Variants in IGSF11 observed in about 807,000 individuals in gnomAD.
IGSF11 encodes the protein CXADR like 1.
In IGSF11, 22 loss-of-function variants were observed where a neutral mutation model predicts 41.0. The ratio of observed to expected loss-of-function variants is 0.54; its 90% confidence interval spans 0.38 to 0.77. The LOEUF (loss-of-function observed/expected upper bound fraction) is 0.77, where lower values mean the gene tolerates loss of function less well. IGSF11 is among the 30% of genes least tolerant of loss of function. IGSF11 has a pLI of 0.00. For missense variants in IGSF11, 444 were observed against 530.8 expected, an observed-to-expected ratio of 0.84 and a Z score of 1.61; for synonymous variants, 219 against 201.3, an observed-to-expected ratio of 1.09 and a Z score of -0.74.
intron 1 of IGSF11, among the ~76,000 whole-genome samples, chr3:119,040,251 G>A (rs1324651369): frequency 1.3e-5 from 2 of 152,018 alleles, no homozygotes; most frequent in African/African-American, 4.8e-5. Context: ...CCCAGGAAAT[G>A]ACTCAGTGCA....
intron 1 of IGSF11, among the ~76,000 whole-genome samples, chr3:119,052,521 A>G (rs1196741432): frequency 6.6e-6 from 1 of 151,946 alleles, no homozygotes; most frequent in Non-Finnish European, 1.5e-5. Context: ...GCCAACAAAA[A>G]AAGTCCAGGA....
At chr3:118,935,366 TGA>T (rs1191132605) in intron 1 of IGSF11, among the ~76,000 whole-genome samples, 1 of 129,244 alleles carries the variant, frequency 7.7e-6, no homozygotes, top group Non-Finnish European at 1.6e-5. Context: ...ATATACACCC[TGA>T]GATATATACA....
In IGSF11 at chr3:118,919,668, T is replaced by TA. The variant is rs1212523009; in HGVS notation, c.580+6432dup. On this transcript the variant is annotated intron_variant, in intron 4 of 6. Coordinates refer to ENST00000393775, the MANE Select transcript of IGSF11 (RefSeq NM_001015887.3). ...CACTTTTACACTGTTGGTGGGACTG[T>TA]AAACTAGTTCAACCATTGTGGAAGT... 1.9e-3 allele frequency among the ~76,000 whole-genome samples: 123 copies of TA among 66,436 alleles called. 1 individual carries two copies. Among genetic ancestry groups the TA allele is most frequent in the African/African-American group, 6.9e-3 (109 of 15,846 alleles). The allele number at this position is 66,436 out of a possible 152,430, so 43.6% of individuals were successfully genotyped here. A position where few individuals can be genotyped will look rare whatever the true frequency, so the allele number is the denominator to read the frequency against.
chr3:118,913,694 T>C (rs991517836), intron 4 of IGSF11, among the ~76,000 whole-genome samples: 7 of 151,632 alleles, frequency 4.6e-5, no homozygotes, highest in African/African-American at 1.2e-4. Context: ...ACAGAAAAAA[T>C]GACTGTGATG....
intron 1 of IGSF11, among the ~76,000 whole-genome samples, chr3:119,051,688 A>G (rs1941633818): frequency 6.6e-6 from 1 of 152,246 alleles, no homozygotes; most frequent in Admixed American, 6.5e-5. Flanking sequence ...TCTATTTATC[A>G]GCACATGGAA....
intron 1 of IGSF11, among the ~76,000 whole-genome samples, chr3:119,077,643 T>A (rs114662473): frequency 0.15 from 23,070 of 151,646 alleles, 3,039 homozygotes; most frequent in African/African-American, 0.35. Context: ...TACTCTCAAC[T>A]CTCCTATTCA....
In IGSF11 at chr3:119,021,269, T is replaced by C. The variant is rs1353297356; in HGVS notation, c.52+13262A>G. Among the ~76,000 whole-genome samples the C allele has an allele frequency of 5.3e-5, 8 of 152,222 alleles. No homozygotes were observed. In the East Asian group the frequency reaches 7.7e-4, roughly 15 times the overall value. Reference sequence around the variant, plus strand: ...AATTACTATATAATAGAAAAATTAGTATCATGAGATTAAAAAACTTAACCT... The same window carrying C: ...AATTACTATATAATAGAAAAATTAGCATCATGAGATTAAAAAACTTAACCT... On this transcript the variant is annotated intron_variant, in intron 1 of 6. Transcript: ENST00000393775.
intron 1 of IGSF11, among the ~76,000 whole-genome samples, chr3:119,044,022 G>T (rs1466456888): frequency 6.6e-6 from 1 of 152,086 alleles, no homozygotes; most frequent in Non-Finnish European, 1.5e-5. Flanking sequence ...ACCCCCAAAA[G>T]ATCACATTAG....
At chr3:119,122,161 G>A (rs2077341987) in intron 1 of IGSF11, among the ~76,000 whole-genome samples, 3 of 152,200 alleles carry the variant, frequency 2.0e-5, no homozygotes. Context: ...AAAAGGGCAG[G>A]AAAGTGTCTT....
At chr3:118,959,128 C>T (rs1045494262) in intron 1 of IGSF11, among the ~76,000 whole-genome samples, 4 of 152,114 alleles carry the variant, frequency 2.6e-5, no homozygotes, top group Non-Finnish European at 1.5e-5. Context: ...AGGTGCCATA[C>T]GGATTTGGTA....
intron 1 of IGSF11, among the ~76,000 whole-genome samples, chr3:119,031,736 T>C (rs551371830): frequency 6.6e-5 from 10 of 152,362 alleles, no homozygotes; most frequent in African/African-American, 2.2e-4. Flanking sequence ...TCATCTTTCA[T>C]GTAGGTCAAA....
At chr3:119,096,286 G>C (rs1365273327) in intron 1 of IGSF11, among the ~76,000 whole-genome samples, 1 of 151,784 alleles carries the variant, frequency 6.6e-6, no homozygotes, top group Non-Finnish European at 1.5e-5. Flanking sequence ...CATACATGTG[G>C]AAGTGGGAAA....
intron 1 of IGSF11, among the ~76,000 whole-genome samples, chr3:119,042,796 C>A (rs1236853209): frequency 6.6e-6 from 1 of 152,154 alleles, no homozygotes; most frequent in African/African-American, 2.4e-5. Context: ...ATTATATACC[C>A]CTCCTACTAC....
rs1941373305 is a variant in IGSF11 at position 119,046,764 on chromosome 3, C to T, written c.49+58380G>A. On this transcript the variant is annotated intron_variant, in intron 1 of 6. Transcript: ENST00000354673. Reference sequence around the variant, plus strand: ...AGAGAGAGAAAGGTCTGGTTACCCTCAAAGGGAAGCCCATCAGACTAACAG... The same window carrying T: ...AGAGAGAGAAAGGTCTGGTTACCCTTAAAGGGAAGCCCATCAGACTAACAG... Among the ~76,000 whole-genome samples the T allele has an allele frequency of 3.3e-5, 5 of 152,140 alleles. No individual in the cohort carries two copies. The South Asian group carries it at 1.0e-3, about 32-fold the overall frequency.
At chr3:118,941,997 T>C (rs150975546) in intron 1 of IGSF11, among the ~76,000 whole-genome samples, 106 of 152,212 alleles carry the variant, frequency 7.0e-4, no homozygotes, top group African/African-American at 2.2e-3. Flanking sequence ...TGGCAGAGAA[T>C]ACTACATAGG....
At chr3:118,910,411 T>C (rs1427149133) in intron 4 of IGSF11, among the ~76,000 whole-genome samples, 1 of 152,164 alleles carries the variant, frequency 6.6e-6, no homozygotes, top group Non-Finnish European at 1.5e-5. Flanking sequence ...ATTGTAATAT[T>C]TTCCTCAATC....
intron 4 of IGSF11, among the ~76,000 whole-genome samples, chr3:118,922,180 C>T (rs75241104): frequency 0.011 from 1,635 of 152,152 alleles, 32 homozygotes; most frequent in East Asian, 0.065. Context: ...CAATAGAAAA[C>T]GTTAAGTGTA....
intron 1 of IGSF11, among the ~76,000 whole-genome samples, chr3:118,943,906 C>T (rs866095975): frequency 1.1e-4 from 17 of 152,294 alleles, no homozygotes; most frequent in Middle Eastern, 3.4e-3. Flanking sequence ...ATGAAGCATT[C>T]ATATGACAAA....
At chr3:119,074,402 C>T (rs1230233903) in intron 1 of IGSF11, among the ~76,000 whole-genome samples, 3 of 151,990 alleles carry the variant, frequency 2.0e-5, no homozygotes, top group African/African-American at 7.3e-5. Context: ...ACAATCTGCT[C>T]CTGAATGACT....
Sources: allele counts gnomAD v4.1 joint callset (sites outside exome capture counted in the v4.1 genomes callset), GRCh38; gene constraint gnomAD v4.1.1; transcripts MANE v1.5; gene names NCBI Gene and HGNC (gene_info 2026-07-23, HGNC 2026-07-21).